NCKAP5: variants seen among roughly 807,000 people sequenced by gnomAD.
NCKAP5 encodes the protein nck-associated protein 5.
In NCKAP5, 92 loss-of-function variants were observed where a neutral mutation model predicts 167.0. The ratio of observed to expected loss-of-function variants is 0.55; its 90% CI spans 0.47 to 0.66. The LOEUF is 0.66. Among genes scored for constraint, NCKAP5 ranks in the 30% least tolerant of loss-of-function variants. The pLI is 0.00. For missense variants in NCKAP5, 2,378 were observed against 2,315.0 expected, an observed-to-expected ratio of 1.03 and a Z score of -0.56; for synonymous variants, 891 against 877.4, an observed-to-expected ratio of 1.02 and a Z score of -0.27.
chr2:133,587,032 A>C, the NCKAP5 span, among the ~76,000 whole-genome samples: 2 of 152,108 alleles, frequency 1.3e-5, no homozygotes, highest in African/African-American at 2.4e-5. Flanking sequence ...GAATTCAGAG[A>C]AAGTCGAGGT....
At position 132,720,951 on chromosome 2, in the gene NCKAP5, C is replaced by T. The variant is rs1411613488; in HGVS notation, c.5713+4676G>A. 3.3e-5 allele frequency among the ~76,000 whole-genome samples: 5 copies of T among 150,968 alleles called. 1 individual carries two copies. Among genetic ancestry groups the T allele is most frequent in the East Asian group, 3.9e-4 (2 of 5,154 alleles). On this transcript the variant is annotated intron_variant, in intron 19 of 19. Coordinates refer to ENST00000409261, the MANE Select transcript of NCKAP5 (RefSeq NM_207363.3). ...GCTTGAACCCAGGAGGTGGAAGTTG[C>T]AGTGAGCCAAGATCGTGCCACTGCA...
chr2:133,473,560 C>G (rs559062375), intron 3 of NCKAP5, among the ~76,000 whole-genome samples: 1 of 152,110 alleles, frequency 6.6e-6, no homozygotes, highest in Non-Finnish European at 1.5e-5. Flanking sequence ...ATTCTGGGAG[C>G]CATACTTTGA....
chr2:132,987,072 T>A lies in NCKAP5; in HGVS notation c.429+7080A>T, dbSNP rs6716629. 4.2e-3 allele frequency among the ~76,000 whole-genome samples: 634 copies of A among 152,276 alleles called. 4 individuals are homozygous for A. Among genetic ancestry groups the A allele is most frequent in the African/African-American group, 0.014 (600 of 41,560 alleles). On this transcript the variant is annotated intron_variant, in intron 7 of 19. Transcript: ENST00000409261. ...GAGGGTGCTAAGTGAAAATGCTATATAAACTGCATGCTTTTTGCCAGCAGT... is the reference window on the plus strand; with the variant it reads ...GAGGGTGCTAAGTGAAAATGCTATAAAAACTGCATGCTTTTTGCCAGCAGT...
At chr2:133,000,245 G>A (rs879454600) in intron 6 of NCKAP5, among the ~76,000 whole-genome samples, 2 of 152,066 alleles carry the variant, frequency 1.3e-5, no homozygotes, top group East Asian at 1.9e-4. Context: ...AAATTGTGTC[G>A]ATTTAAGAAA....
chr2:133,170,195 C>T (rs6727728), intron 5 of NCKAP5, among the ~76,000 whole-genome samples: 254 of 152,222 alleles, frequency 1.7e-3, no homozygotes, highest in African/African-American at 5.2e-3. Flanking sequence ...TTTGGGGCTC[C>T]TTGTAAGGAT....
chr2:132,953,775 A>G (rs1259626387), intron 8 of NCKAP5, among the ~76,000 whole-genome samples: 1 of 152,214 alleles, frequency 6.6e-6, no homozygotes, highest in Non-Finnish European at 1.5e-5. Flanking sequence ...TAACTAAAAC[A>G]CAAGAATTTT....
intron 11 of NCKAP5, among the ~76,000 whole-genome samples, chr2:132,838,249 T>G (rs1688039560): frequency 6.6e-6 from 1 of 152,170 alleles, no homozygotes; most frequent in Non-Finnish European, 1.5e-5. Context: ...CCTTTGCTAT[T>G]TGCTCAATGC....
intron 6 of NCKAP5, among the ~76,000 whole-genome samples, chr2:133,025,350 C>T (rs1367241958): frequency 6.6e-6 from 1 of 152,098 alleles, no homozygotes; most frequent in Non-Finnish European, 1.5e-5. Flanking sequence ...ATTTTGGCTT[C>T]GGAGAAAGAA....
At chr2:133,234,569 G>A (rs996891051) in intron 4 of NCKAP5, among the ~76,000 whole-genome samples, 6 of 152,184 alleles carry the variant, frequency 3.9e-5, no homozygotes, top group South Asian at 4.1e-4. Context: ...TTAACATGTC[G>A]CTCATATCTG....
intron 5 of NCKAP5, among the ~76,000 whole-genome samples, chr2:133,153,361 G>A (rs1266723015): frequency 2.0e-5 from 3 of 152,206 alleles, no homozygotes; most frequent in South Asian, 2.1e-4. Context: ...GTTAATCATG[G>A]TCATGGGAAA....
the NCKAP5 span, among the ~76,000 whole-genome samples, chr2:133,644,010 C>G: frequency 6.6e-6 from 1 of 152,204 alleles, no homozygotes; most frequent in African/African-American, 2.4e-5. Flanking sequence ...GCCCCTGTCA[C>G]TACATTTTGG....
chr2:133,643,908 C>T, the NCKAP5 span, among the ~76,000 whole-genome samples: 1 of 152,158 alleles, frequency 6.6e-6, no homozygotes, highest in Non-Finnish European at 1.5e-5. Flanking sequence ...CCAATTCCCC[C>T]GCCCTGCCTG....
chr2:133,210,203 T>TATAAC (rs2086149913), intron 5 of NCKAP5, among the ~76,000 whole-genome samples: 1 of 149,180 alleles, frequency 6.7e-6, no homozygotes, highest in African/African-American at 2.5e-5. Context: ...TATAACATAA[T>TATAAC]ATAATGTAAT....
At chr2:132,907,507 G>A (rs1022298113) in intron 8 of NCKAP5, among the ~76,000 whole-genome samples, 1 of 152,124 alleles carries the variant, frequency 6.6e-6, no homozygotes, top group South Asian at 2.1e-4. Flanking sequence ...CCTCTTTGTA[G>A]GTGGGAAAAG....
Position 132,878,781 on chromosome 2 carries a change from T to C in NCKAP5, c.648+67A>G, listed in dbSNP as rs901085996. On this transcript the variant is annotated intron_variant, in intron 9 of 19. Transcript: ENST00000409261. ...TGGATACTGGTAGCACACACACATT[T>C]TGAGATCAGATTAAGGGAATCCCAA... 4.3e-6 allele frequency: 5 copies of C among 1,176,440 alleles called. No homozygotes were observed. In the East Asian group the frequency reaches 1.2e-4, roughly 28 times the overall value. The allele number at this position is 1,176,440 out of a possible 1,614,324, so 72.9% of individuals were successfully genotyped here.
In NCKAP5 at chr2:132,784,685, T is replaced by G. The variant is rs1235389185; in HGVS notation, c.2126A>C (p.His709Pro). The stretch of plus-strand genomic sequence containing the variant: ...AATTCCCTGAGGTAAAAGCTCAGTA[T>G]GTTCTGCCTTGGGTCCAGCAGGAGT... ...NSTPAGPKAE[H>P]TELLPQGIAC... The change falls in exon 14 of 20, where the codon CAT (histidine) becomes CCT (proline). Residue 709 changes from histidine to proline, a missense_variant. By Grantham distance (77) the His-to-Pro change is moderately conservative. Transcript: ENST00000409261. The G allele has an allele frequency of 2.5e-6, 4 of 1,613,908 alleles. No individual in the cohort carries two copies. Among genetic ancestry groups the G allele is most frequent in the Non-Finnish European group, 3.4e-6 (4 of 1,179,902 alleles).
chr2:133,512,718 G>C (rs1482055394), intron 3 of NCKAP5, among the ~76,000 whole-genome samples: 1 of 152,194 alleles, frequency 6.6e-6, no homozygotes, highest in Non-Finnish European at 1.5e-5. Context: ...TTCCCTGGGA[G>C]AAAAAATTCA....
At chr2:133,578,847 C>T in the NCKAP5 span, among the ~76,000 whole-genome samples, 1 of 152,154 alleles carries the variant, frequency 6.6e-6, no homozygotes, top group Non-Finnish European at 1.5e-5. Context: ...CTCCAGAGTC[C>T]ACAGTAAAAT....
intron 11 of NCKAP5, among the ~76,000 whole-genome samples, chr2:132,840,281 T>TG (rs1315801049): frequency 6.7e-6 from 1 of 149,362 alleles, no homozygotes. Flanking sequence ...ACAGCATTTT[T>TG]TTTTTTTTTT....
Sources: allele counts gnomAD v4.1 joint callset (sites outside exome capture counted in the v4.1 genomes callset), GRCh38; gene constraint gnomAD v4.1.1; transcripts MANE v1.5; gene names NCBI Gene and HGNC (gene_info 2026-07-23, HGNC 2026-07-21).